Variants in WDR20 observed in about 807,000 individuals in gnomAD.
WDR20 encodes the protein WD repeat-containing protein 20.
A neutral mutation model predicts 38.7 loss-of-function variants in WDR20; 3 were observed. That is an observed-to-expected ratio of 0.08 (90% CI 0.04 to 0.20). The LOEUF (loss-of-function observed/expected upper bound fraction) is 0.20, where lower values mean the gene tolerates loss of function less well. Among genes scored for constraint, WDR20 ranks in the 10% least tolerant of loss-of-function variants. WDR20 has a pLI of 1.00. For missense variants in WDR20, 559 were observed against 727.7 expected, an observed-to-expected ratio of 0.77 and a Z score of 2.67; for synonymous variants, 298 against 285.6, an observed-to-expected ratio of 1.04 and a Z score of -0.44.
intron 1 of WDR20, among the ~76,000 whole-genome samples, chr14:102,146,714 A>T (rs915559730): frequency 4.6e-5 from 7 of 151,972 alleles, no homozygotes; most frequent in East Asian, 1.9e-4. Flanking sequence ...AGATGCCTTT[A>T]AAAAAAATTT....
At chr14:102,223,169 A>G in exon 4 of WDR20, 1 of 211,960 alleles carries the variant, frequency 4.7e-6, no homozygotes, top group South Asian at 9.0e-5. Context: ...AATTTCATAT[A>G]TATATAATAT....
rs1449004853 is a variant in WDR20, at chr14:102,222,686, A to G, written c.1693-144A>G. On this transcript the variant is annotated intron_variant, in intron 3 of 3. Coordinates refer to the WDR20 transcript ENST00000335263. The surrounding 1 kb of genome is among the most constrained non-coding windows in gnomAD (Gnocchi z 4.4). ...AGTGATCTGGATAGGAATTAAATAG[A>G]TGAAGTGGAGGGTTTGCTCCCACAC... 1.3e-6 allele frequency: 1 copy of G among 782,368 alleles called. No individual in the cohort carries two copies. The highest frequency in any genetic ancestry group is 1.7e-5 in the African/African-American group (1 of 58,838). The allele number at this position is 782,368 out of a possible 1,614,324, so 48.5% of individuals were successfully genotyped here.
At chr14:102,202,079 C>T (rs2060495500) in intron 2 of WDR20, among the ~76,000 whole-genome samples, 1 of 151,984 alleles carries the variant, frequency 6.6e-6, no homozygotes, top group Non-Finnish European at 1.5e-5. Flanking sequence ...AGCTCACCTT[C>T]CTCCACCAGG....
intron 1 of WDR20, among the ~76,000 whole-genome samples, chr14:102,143,459 A>G (rs1024864430): frequency 1.3e-5 from 2 of 152,056 alleles, no homozygotes; most frequent in African/African-American, 2.4e-5. Flanking sequence ...GATAGTAATA[A>G]TACCAGGCAA....
chr14:102,160,418 G>A (rs1052255253), intron 1 of WDR20, among the ~76,000 whole-genome samples: 1 of 151,936 alleles, frequency 6.6e-6, no homozygotes, highest in African/African-American at 2.4e-5. Context: ...TTCTTTTGTT[G>A]TTACACGAAT....
intron 1 of WDR20, among the ~76,000 whole-genome samples, chr14:102,157,736 A>G (rs1000304256): frequency 2.0e-5 from 3 of 152,122 alleles, no homozygotes; most frequent in Non-Finnish European, 2.9e-5. Context: ...AGGCCTAAGG[A>G]TGTGGCAGCT....
chr14:102,142,967 G>A (rs1209032766), intron 1 of WDR20, among the ~76,000 whole-genome samples: 1 of 152,054 alleles, frequency 6.6e-6, no homozygotes, highest in African/African-American at 2.4e-5. Flanking sequence ...GAAACATGGG[G>A]TCCTGGGGAA....
chr14:102,184,697 C>T (rs912058427), intron 1 of WDR20, among the ~76,000 whole-genome samples: 3 of 152,174 alleles, frequency 2.0e-5, no homozygotes, highest in Non-Finnish European at 2.9e-5. Flanking sequence ...CACTTTGTGA[C>T]TGTGTGTCTC....
intron 1 of WDR20, among the ~76,000 whole-genome samples, chr14:102,178,268 T>C (rs1207946015): frequency 6.6e-6 from 1 of 152,058 alleles, no homozygotes; most frequent in Non-Finnish European, 1.5e-5. Context: ...GGCATGAGCC[T>C]GTAGTCCCAG....
intron 1 of WDR20, among the ~76,000 whole-genome samples, chr14:102,159,450 C>A (rs964654254): frequency 6.6e-6 from 1 of 152,200 alleles, no homozygotes; most frequent in African/African-American, 2.4e-5. Context: ...AATCTGCATT[C>A]TAAGACAATC....
chr14:102,143,577 C>G lies in WDR20; in HGVS notation c.249+3405C>G, dbSNP rs559722380. On this transcript the variant is annotated intron_variant, in intron 1 of 2. Transcript: ENST00000342702. ...TTTTTTTTTTTGAGACAAAGTCTAG[C>G]TCTGTCACCCAGGGTGGAGTGCAGT... is the stretch of plus-strand genomic sequence containing the variant. Among the ~76,000 whole-genome samples, 60 of 151,426 alleles carry G rather than the reference C, an allele frequency of 4.0e-4. No individual in the cohort carries two copies. In the South Asian group the frequency reaches 0.013, roughly 32 times the overall value.
Position 102,162,569 on chromosome 14 carries a change from CTT to C in WDR20, c.249+22401_249+22402del, listed in dbSNP as rs199889557. ...TGAATACATCAGATAATCTTTCTTT[CTT>C]TTTCTCTCTCTCTCTTTCTTTCTTT... On this transcript the variant is annotated intron_variant, in intron 1 of 2. Coordinates refer to ENST00000342702, the MANE Select transcript of WDR20 (RefSeq NM_144574.4). 7.5e-3 allele frequency among the ~76,000 whole-genome samples: 1,137 copies of C among 151,824 alleles called. 22 individuals carry two copies. The highest frequency in any genetic ancestry group is 0.026 in the African/African-American group (1,064 of 41,416).
chr14:102,173,969 G>T (rs374382463), intron 1 of WDR20, among the ~76,000 whole-genome samples: 2 of 151,596 alleles, frequency 1.3e-5, no homozygotes, highest in South Asian at 4.2e-4. Flanking sequence ...GTGTGAACCC[G>T]GGAGGCGGAG....
chr14:102,168,135 C>T (rs1191571821), intron 1 of WDR20, among the ~76,000 whole-genome samples: 1 of 152,156 alleles, frequency 6.6e-6, no homozygotes, highest in South Asian at 2.1e-4. Context: ...TCTCCCATAT[C>T]TTACCATAGC....
At position 102,222,948 on chromosome 14, in the gene WDR20, C is replaced by A; in HGVS notation, c.*65C>A. ...CTCGAGGGAGTGACGAGGAGGAGCT[C>A]CGAGCTGCGCCTGAGCCGTGCCAGC... is the stretch of plus-strand genomic sequence containing the variant. On this transcript the variant is annotated 3_prime_UTR_variant, in exon 4 of 4. Coordinates refer to the WDR20 transcript ENST00000335263. This position sits in a 1 kb window ranked among gnomAD's most constrained non-coding sequence, Gnocchi z 4.4. 1 of 1,597,178 alleles carries A rather than the reference C, an allele frequency of 6.3e-7. No individual in the cohort carries two copies. The highest frequency in any genetic ancestry group is 1.1e-5 in the South Asian group (1 of 90,330).
In WDR20 at chr14:102,209,212, A is replaced by G. The variant is rs780844710; in HGVS notation, c.1042A>G (p.Thr348Ala). Residue 348 changes from threonine (T) to alanine (A), a missense_variant, in exon 3 of 3, where the codon ACA becomes GCA. Coordinates refer to ENST00000342702, the MANE Select transcript of WDR20 (RefSeq NM_144574.4). The surrounding 1 kb of genome is among the most constrained non-coding windows in gnomAD (Gnocchi z 6.0). ...TTTTGGCAGAGATCGAGCAAATAGTACACAGTCCAGGCTCTCCAAACGGAA... is the reference window on the plus strand; with the variant it reads ...TTTTGGCAGAGATCGAGCAAATAGTGCACAGTCCAGGCTCTCCAAACGGAA... ...LHFGRDRANS[T>A]QSRLSKRNST... is the part of the protein sequence containing the mutation. 6.4e-5 allele frequency: 103 copies of G among 1,614,062 alleles called. No homozygotes were observed. Among genetic ancestry groups the G allele is most frequent in the Non-Finnish European group, 8.7e-5 (103 of 1,180,042 alleles).
At chr14:102,210,582 T>C, downstream of WDR20, 1 of 983,388 alleles carries the variant, frequency 1.0e-6, no homozygotes, top group Non-Finnish European at 1.2e-6. Flanking sequence ...CGTACCTCAC[T>C]CAGAGCCTGA....
rs768405295 is a variant in WDR20, at chr14:102,208,834, G to C, written c.664G>C (p.Ala222Pro). Reference protein sequence around the residue: ...PLLKWTVGEGALNEFAFSPDG... With the variant: ...PLLKWTVGEGPLNEFAFSPDG... ...CCTTAAGTGGACGGTGGGCGAGGGG[G>C]CCCTCAACGAGTTTGCTTTCTCCCC... Residue 222 changes from alanine (A) to proline (P), a missense_variant, in exon 3 of 3, where the codon GCC becomes CCC. Ala to Pro is a conservative substitution (Grantham distance 27). Coordinates refer to ENST00000342702, the MANE Select transcript of WDR20 (RefSeq NM_144574.4). The surrounding 1 kb of genome is among the most constrained non-coding windows in gnomAD (Gnocchi z 5.6). 3 of 1,614,104 alleles carry C rather than the reference G, an allele frequency of 1.9e-6. No individual in the cohort carries two copies. Among genetic ancestry groups the C allele is most frequent in the South Asian group, 2.2e-5 (2 of 91,090 alleles).
chr14:102,156,603 G>T (rs1187750785), intron 1 of WDR20, among the ~76,000 whole-genome samples: 1 of 151,696 alleles, frequency 6.6e-6, no homozygotes, highest in East Asian at 1.9e-4. Flanking sequence ...TGACTTCCTG[G>T]GCTCAAGTGA....
Sources: gnomAD v4.1 joint callset for allele counts (sites outside exome capture counted in the v4.1 genomes callset) on GRCh38, gnomAD v4.1.1 for gene constraint, Gnocchi (gnomAD v3.1) non-coding constraint, MANE v1.5 for transcripts, NCBI Gene and HGNC (gene_info 2026-07-23, HGNC 2026-07-21) for gene names.